PARD3B: variants seen among roughly 807,000 people sequenced by gnomAD.
PARD3B encodes the protein partitioning defective 3 homolog B.
In PARD3B, 103 loss-of-function variants were observed where a neutral mutation model predicts 130.2. That is an observed-to-expected ratio of 0.79 (90% CI 0.67 to 0.93). PARD3B has a LOEUF of 0.93. Ranked by LOEUF, PARD3B falls within the 40% of genes least tolerant of loss-of-function variation. The probability of loss-of-function intolerance (pLI) is 0.00; values close to 1 mark genes in which losing one functional copy is unlikely to be tolerated. For missense variants in PARD3B, 1,609 were observed against 1,499.2 expected (o/e 1.07, Z -1.21); for synonymous variants, 583 against 553.2 (o/e 1.05, Z -0.76).
intron 8 of PARD3B, 124 bp from the exon 9 acceptor site, chr2:205,124,203 T>A (rs2031101737): frequency 1.2e-6 from 1 of 814,944 alleles, no homozygotes; most frequent in South Asian, 4.2e-5. Flanking sequence ...ATTTAAAATG[T>A]CCCAGAATGT....
At chr2:204,999,682 A>G (rs960729474) in intron 3 of PARD3B, among the ~76,000 whole-genome samples, 1 of 152,212 alleles carries the variant, frequency 6.6e-6, no homozygotes, top group African/African-American at 2.4e-5. Flanking sequence ...AATATTCACA[A>G]GGAGCCTATT....
chr2:205,065,826 A>G (rs931897043), intron 4 of PARD3B, among the ~76,000 whole-genome samples: 18 of 151,012 alleles, frequency 1.2e-4, no homozygotes. Flanking sequence ...AAGCCAGGCC[A>G]TGCCCATGAA....
At chr2:205,442,061 A>G (rs1434843426) in intron 20 of PARD3B, among the ~76,000 whole-genome samples, 1 of 152,116 alleles carries the variant, frequency 6.6e-6, no homozygotes, top group African/African-American at 2.4e-5. Flanking sequence ...AACCATAGTC[A>G]ATCTTACCTT....
chr2:205,594,362 G>C (rs943478304), intron 22 of PARD3B, among the ~76,000 whole-genome samples: 1 of 152,160 alleles, frequency 6.6e-6, no homozygotes, highest in Admixed American at 6.5e-5. Flanking sequence ...GGAAATTTTA[G>C]TCTGCCTCTC....
intron 4 of PARD3B, among the ~76,000 whole-genome samples, chr2:205,053,307 G>A (rs899357183): frequency 6.6e-6 from 1 of 151,898 alleles, no homozygotes; most frequent in Non-Finnish European, 1.5e-5. Context: ...CCACTGTGAT[G>A]TTAGAGGACT....
intron 11 of PARD3B, among the ~76,000 whole-genome samples, chr2:205,168,745 G>A (rs1356333241): frequency 6.7e-6 from 1 of 150,016 alleles, no homozygotes; most frequent in African/African-American, 2.5e-5. Flanking sequence ...TGTGTGTCTT[G>A]ATTTTATATT....
chr2:205,236,331 A>T (rs573229519), intron 15 of PARD3B, among the ~76,000 whole-genome samples: 2 of 152,306 alleles, frequency 1.3e-5, no homozygotes, highest in South Asian at 4.1e-4. Context: ...TATTTCCCCA[A>T]CTCATTCTAT....
chr2:205,500,491 T>A (rs566268429), intron 21 of PARD3B, among the ~76,000 whole-genome samples: 1 of 152,192 alleles, frequency 6.6e-6, no homozygotes, highest in Non-Finnish European at 1.5e-5. Flanking sequence ...CTAGGATGGA[T>A]TTGTTTTGAG....
rs530461152 is a variant in PARD3B, at chr2:204,871,922, G to A, written c.223-93230G>A. On this transcript the variant is annotated intron_variant, in intron 2 of 22. Coordinates refer to ENST00000406610, the MANE Select transcript of PARD3B (RefSeq NM_001302769.2). Reference sequence around the variant, plus strand: ...TTATTCTTAAAGACAGCATGGAAGAGAAAGTCTGGATATCTAAAACACAGT... The same window carrying A: ...TTATTCTTAAAGACAGCATGGAAGAAAAAGTCTGGATATCTAAAACACAGT... Among the ~76,000 whole-genome samples, 3 of 152,124 alleles carry A rather than the reference G, an allele frequency of 2.0e-5. No homozygotes were observed. The East Asian group carries it at 5.8e-4, about 29-fold the overall frequency.
chr2:205,207,463 A>G (rs2037382543), intron 15 of PARD3B, among the ~76,000 whole-genome samples: 1 of 147,884 alleles, frequency 6.8e-6, no homozygotes, highest in African/African-American at 2.6e-5. Flanking sequence ...AAATTGATAG[A>G]CCGCTAGCAA....
intron 22 of PARD3B, among the ~76,000 whole-genome samples, chr2:205,601,718 G>A (rs1189660505): frequency 6.6e-6 from 1 of 152,046 alleles, no homozygotes; most frequent in Non-Finnish European, 1.5e-5. Context: ...TCTGCATATG[G>A]CTAGCCAGTT....
chr2:205,039,613 G>A (rs967134108), intron 3 of PARD3B, among the ~76,000 whole-genome samples: 1 of 152,044 alleles, frequency 6.6e-6, no homozygotes, highest in Non-Finnish European at 1.5e-5. Flanking sequence ...TGCAATTACA[G>A]GTGTGCACCA....
intron 21 of PARD3B, among the ~76,000 whole-genome samples, chr2:205,527,995 A>C (rs1275056456): frequency 6.6e-6 from 1 of 152,184 alleles, no homozygotes; most frequent in Admixed American, 6.5e-5. Context: ...ATGGTCCATC[A>C]TGCATCAGGA....
At chr2:205,278,880 A>C (rs575898786) in intron 16 of PARD3B, among the ~76,000 whole-genome samples, 3 of 151,914 alleles carry the variant, frequency 2.0e-5, no homozygotes, top group Non-Finnish European at 2.9e-5. Flanking sequence ...GACCAGGTTG[A>C]CCAACATGGC....
intron 2 of PARD3B, among the ~76,000 whole-genome samples, chr2:204,752,161 T>C (rs1251248795): frequency 6.6e-6 from 1 of 152,222 alleles, no homozygotes; most frequent in Middle Eastern, 3.2e-3. Flanking sequence ...ATTTTATATA[T>C]TGAGAAAGTA....
rs180674000 is a variant in PARD3B, at chr2:204,559,991, G to A, written c.120+13872G>A. Reference sequence around the variant, plus strand: ...CTCATAGGTGGAAACTGAACAATGAGAACACTTGGACACAGGGTGGGGAAC... The same window carrying A: ...CTCATAGGTGGAAACTGAACAATGAAAACACTTGGACACAGGGTGGGGAAC... On this transcript the variant is annotated intron_variant, in intron 1 of 22. Coordinates refer to ENST00000406610, the MANE Select transcript of PARD3B (RefSeq NM_001302769.2). Among the ~76,000 whole-genome samples the A allele has an allele frequency of 1.2e-3, 168 of 145,514 alleles. No individual in the cohort carries two copies. In the Middle Eastern group the frequency reaches 0.014, roughly 12 times the overall value.
intron 22 of PARD3B, among the ~76,000 whole-genome samples, chr2:205,582,271 ACT>A (rs1289745062): frequency 1.3e-5 from 2 of 152,106 alleles, no homozygotes; most frequent in African/African-American, 2.4e-5. Context: ...CAGTTAATAG[ACT>A]CTGGATAATT....
At position 205,470,027 on chromosome 2, in the gene PARD3B, T is replaced by C. The variant is rs1312535185; in HGVS notation, c.3044+29355T>C. Among the ~76,000 whole-genome samples the C allele has an allele frequency of 6.6e-6, 1 of 152,226 alleles. No homozygotes were observed. The highest frequency in any genetic ancestry group is 1.5e-5 in the Non-Finnish European group (1 of 68,044). On this transcript the variant is annotated intron_variant, in intron 20 of 22. Coordinates refer to ENST00000406610, the MANE Select transcript of PARD3B (RefSeq NM_001302769.2). This position sits in a 1 kb window ranked among gnomAD's most constrained non-coding sequence, Gnocchi z 4.8. ...TCTTCCTCCCACTATCCTTTTCTTT[T>C]TGGCCTCTCTCCTGCTTTCCATTGA...
At chr2:205,424,872 T>G (rs1434220103) in intron 19 of PARD3B, among the ~76,000 whole-genome samples, 1 of 151,988 alleles carries the variant, frequency 6.6e-6, no homozygotes, top group Non-Finnish European at 1.5e-5. Context: ...TACAGAAAAC[T>G]TAGTTTGCTT....
Sources: gnomAD v4.1 joint callset for allele counts (sites outside exome capture counted in the v4.1 genomes callset) on GRCh38, gnomAD v4.1.1 for gene constraint, Gnocchi (gnomAD v3.1) non-coding constraint, MANE v1.5 for transcripts, NCBI Gene and HGNC (gene_info 2026-07-23, HGNC 2026-07-21) for gene names.